ERBB4: variants seen among roughly 807,000 people sequenced by gnomAD.
ERBB4 encodes the protein receptor tyrosine-protein kinase erbB-4.
A neutral mutation model predicts 158.0 loss-of-function variants in ERBB4; 42 were observed. The ratio of observed to expected loss-of-function variants is 0.27; its 90% CI spans 0.21 to 0.34. The LOEUF is 0.34. ERBB4 is among the 10% of genes least tolerant of loss of function. The pLI is 1.00. For missense variants in ERBB4, 1,333 were observed against 1,624.1 expected (o/e 0.82, Z 3.08); for synonymous variants, 583 against 558.7 (o/e 1.04, Z -0.61).
At position 212,085,440 on chromosome 2, in the gene ERBB4, T is replaced by C. The variant is rs575983300; in HGVS notation, c.234+39312A>G. Among the ~76,000 whole-genome samples, 342 of 152,002 alleles carry C rather than the reference T, an allele frequency of 2.2e-3. 6 individuals are homozygous for C. In the South Asian group the frequency reaches 0.029, roughly 13 times the overall value. The stretch of plus-strand genomic sequence containing the variant: ...AGTGATAAATAAAAGCTTTTGATAA[T>C]AGATGGCAATTAGGCACATCCTCAA... On this transcript the variant is annotated intron_variant, in intron 2 of 27. Transcript: ENST00000342788.
intron 1 of ERBB4, among the ~76,000 whole-genome samples, chr2:212,386,900 T>C (rs910920471): frequency 6.6e-6 from 1 of 152,098 alleles, no homozygotes; most frequent in African/African-American, 2.4e-5. Context: ...AATGATTTTG[T>C]CTTATTCATC....
intron 3 of ERBB4, among the ~76,000 whole-genome samples, chr2:211,831,889 G>C (rs2077228948): frequency 6.7e-6 from 1 of 149,002 alleles, no homozygotes; most frequent in Non-Finnish European, 1.5e-5. Flanking sequence ...GGCAACAACA[G>C]CGAGACTCTG....
chr2:212,388,095 T>C (rs2090738171), intron 1 of ERBB4, among the ~76,000 whole-genome samples: 1 of 152,110 alleles, frequency 6.6e-6, no homozygotes, highest in Non-Finnish European at 1.5e-5. Flanking sequence ...TCCCTTGATA[T>C]CTGAAATGGG....
chr2:211,707,879 T>TA (rs35829960), intron 9 of ERBB4, among the ~76,000 whole-genome samples: 2 of 151,856 alleles, frequency 1.3e-5, no homozygotes, highest in African/African-American at 2.4e-5. Flanking sequence ...AACTTGTTTT[T>TA]AAAAAGCGTA....
chr2:212,090,798 T>C (rs931509129), intron 2 of ERBB4, among the ~76,000 whole-genome samples: 1 of 152,174 alleles, frequency 6.6e-6, no homozygotes, highest in Non-Finnish European at 1.5e-5. Context: ...TAAAACAAGG[T>C]TTACTATAAG....
Position 212,255,744 on chromosome 2 carries a change from T to C in ERBB4, c.83-130841A>G, listed in dbSNP as rs1273521210. ...CTCAGAAAGTTCAGATTTCAAATTT[T>C]TGGACGTGGGATGCTAAACCTGAAT... On this transcript the variant is annotated intron_variant, in intron 1 of 27. Transcript: ENST00000342788. Among the ~76,000 whole-genome samples the C allele has an allele frequency of 2.0e-5, 3 of 152,162 alleles. No homozygotes were observed. The South Asian group carries it at 6.2e-4, about 31-fold the overall frequency.
chr2:211,942,969 A>G (rs2080547482), intron 3 of ERBB4, among the ~76,000 whole-genome samples: 2 of 152,142 alleles, frequency 1.3e-5, no homozygotes, highest in Non-Finnish European at 2.9e-5. Context: ...TTTTATATGG[A>G]TATACATAAA....
intron 5 of ERBB4, among the ~76,000 whole-genome samples, chr2:211,737,002 A>G (rs1263631553): frequency 6.6e-6 from 1 of 152,190 alleles, no homozygotes; most frequent in Non-Finnish European, 1.5e-5. Flanking sequence ...CGCGATAAAG[A>G]GGGTATTACT....
chr2:211,773,621 T>TATATA (rs2075780163), intron 4 of ERBB4, among the ~76,000 whole-genome samples: 1 of 63,020 alleles, frequency 1.6e-5, no homozygotes, highest in African/African-American at 7.2e-5. Context: ...TATATATATA[T>TATATA]ATATATATAT....
intron 12 of ERBB4, 44 bp from the exon 13 acceptor site, chr2:211,679,228 G>A (rs1168060763): frequency 3.1e-6 from 5 of 1,607,330 alleles, no homozygotes; most frequent in Non-Finnish European, 4.3e-6. Flanking sequence ...AGAGGATTGT[G>A]TCAAAACTTA....
intron 4 of ERBB4, among the ~76,000 whole-genome samples, chr2:211,785,619 G>A (rs1009367864): frequency 6.6e-6 from 1 of 152,082 alleles, no homozygotes; most frequent in Non-Finnish European, 1.5e-5. Context: ...TGAGGCCCAA[G>A]TTCAATCTTT....
At chr2:212,403,206 T>C (rs1459612850) in intron 1 of ERBB4, among the ~76,000 whole-genome samples, 1 of 152,124 alleles carries the variant, frequency 6.6e-6, no homozygotes, top group Admixed American at 6.6e-5. Context: ...TTAAATGTAC[T>C]TCTTTTCTCC....
At chr2:212,018,950 C>G (rs553122391) in intron 2 of ERBB4, among the ~76,000 whole-genome samples, 11 of 152,066 alleles carry the variant, frequency 7.2e-5, no homozygotes, top group African/African-American at 2.4e-4. Flanking sequence ...CGAATCATTA[C>G]ATTAAAAAGT....
intron 3 of ERBB4, among the ~76,000 whole-genome samples, chr2:211,896,857 G>A (rs1055074438): frequency 6.6e-6 from 1 of 151,850 alleles, no homozygotes; most frequent in Non-Finnish European, 1.5e-5. Context: ...ACTAGTATTT[G>A]TTACAATTTC....
chr2:211,428,680 G>C (rs1339037480), intron 21 of ERBB4, among the ~76,000 whole-genome samples, 197 bp from the exon 22 acceptor site: 6 of 151,890 alleles, frequency 4.0e-5, no homozygotes, highest in African/African-American at 1.2e-4. Flanking sequence ...AATACATAAA[G>C]TGAATTAATC....
intron 1 of ERBB4, among the ~76,000 whole-genome samples, chr2:212,219,461 A>T (rs1488866446): frequency 6.6e-6 from 1 of 151,428 alleles, no homozygotes; most frequent in East Asian, 1.9e-4. Context: ...AAAAAATAAT[A>T]AGATTTTTAA....
At chr2:211,570,076 C>T (rs1251057173) in intron 19 of ERBB4, among the ~76,000 whole-genome samples, 2 of 152,128 alleles carry the variant, frequency 1.3e-5, no homozygotes, top group African/African-American at 4.8e-5. Context: ...GAGATTTTGC[C>T]TAAATCTCCT....
At chr2:212,456,446 G>T (rs949332982) in intron 1 of ERBB4, among the ~76,000 whole-genome samples, 1 of 151,760 alleles carries the variant, frequency 6.6e-6, no homozygotes, top group East Asian at 1.9e-4. Context: ...ATAGAAATCT[G>T]TAAGAGATGA....
At chr2:211,797,214 T>C (rs780028950) in intron 3 of ERBB4, among the ~76,000 whole-genome samples, 1 of 151,894 alleles carries the variant, frequency 6.6e-6, no homozygotes, top group Non-Finnish European at 1.5e-5. Context: ...GAAAATGTAA[T>C]TGCTTCAGTA....
Sources: gnomAD v4.1 joint callset for allele counts (sites outside exome capture counted in the v4.1 genomes callset) on GRCh38, gnomAD v4.1.1 for gene constraint, MANE v1.5 for transcripts, NCBI Gene and HGNC (gene_info 2026-07-23, HGNC 2026-07-21) for gene names.